ITPR2: variants seen among roughly 807,000 people sequenced by gnomAD.
ITPR2 encodes the protein inositol 1,4,5-trisphosphate receptor type 2.
ITPR2 carries 207 observed loss-of-function variants against 317.1 expected under a neutral mutation model. That is an observed-to-expected ratio of 0.65 (90% CI 0.58 to 0.73). ITPR2 has a LOEUF of 0.73. ITPR2 is among the 30% of genes least tolerant of loss of function. The pLI is 0.00. For missense variants in ITPR2, 2,613 were observed against 3,284.0 expected (o/e 0.80, Z 4.99); for synonymous variants, 1,156 against 1,149.1 (o/e 1.01, Z -0.12).
At chr12:26,458,643 G>T (rs1436791818) in intron 45 of ITPR2, among the ~76,000 whole-genome samples, 1 of 152,170 alleles carries the variant, frequency 6.6e-6, no homozygotes, top group Non-Finnish European at 1.5e-5. Context: ...AATAAAATGA[G>T]GGGTGACGGA....
intron 34 of ITPR2, among the ~76,000 whole-genome samples, chr12:26,578,019 T>C (rs1945315699): frequency 6.6e-6 from 1 of 152,148 alleles, no homozygotes; most frequent in Admixed American, 6.6e-5. Context: ...GATAATGAAA[T>C]ACGCTACAAA....
At chr12:26,397,758 T>G (rs955608305) in intron 54 of ITPR2, among the ~76,000 whole-genome samples, 1 of 152,228 alleles carries the variant, frequency 6.6e-6, no homozygotes, top group Non-Finnish European at 1.5e-5. Context: ...GGACCCAATT[T>G]GTTACATACA....
At chr12:26,457,083 G>T (rs1591801193) in intron 45 of ITPR2, among the ~76,000 whole-genome samples, 3 of 152,166 alleles carry the variant, frequency 2.0e-5, no homozygotes, top group Non-Finnish European at 2.9e-5. Context: ...CCCTCCTAGA[G>T]CTGACTTTCT....
At chr12:26,576,104 C>A (rs1945269107) in intron 34 of ITPR2, among the ~76,000 whole-genome samples, 1 of 152,166 alleles carries the variant, frequency 6.6e-6, no homozygotes, top group Admixed American at 6.5e-5. Flanking sequence ...AAAATTAACA[C>A]CATCATATTT....
intron 2 of ITPR2, among the ~76,000 whole-genome samples, chr12:26,775,745 G>C (rs974788132): frequency 6.6e-6 from 1 of 151,720 alleles, no homozygotes; most frequent in African/African-American, 2.4e-5. Flanking sequence ...ACTTGAAAAG[G>C]CTACACTGGA....
In ITPR2 at chr12:26,695,636, A is replaced by G. The variant is rs1459273085; in HGVS notation, c.966T>C (p.Tyr322=). The G allele has an allele frequency of 6.2e-6, 10 of 1,612,816 alleles. No individual in the cohort carries two copies. The highest frequency in any genetic ancestry group is 7.6e-6 in the Non-Finnish European group (9 of 1,179,012). Residue 322 remains tyrosine, a synonymous_variant, in exon 10 of 57, where the codon TAT becomes TAC. Transcript: ENST00000381340. ...NYLAAELNPD[Y]RDAQNEGKNV... is the part of the protein sequence containing the mutation. ...TTTTTCCTTCATTTTGGGCATCTCG[A>G]TAATCAGGATTAAGCTAGAAAAACA...
In ITPR2 at chr12:26,716,031, T is replaced by C. The variant is rs980456208; in HGVS notation, c.624+113A>G. ...CTATATGTACCTTAGGGATATTAATTAGAATAACTGGGATTATGCTCATGA... is the reference window on the plus strand; with the variant it reads ...CTATATGTACCTTAGGGATATTAATCAGAATAACTGGGATTATGCTCATGA... On this transcript the variant is annotated intron_variant, in intron 6 of 56. Transcript: ENST00000381340. The C allele has an allele frequency of 2.2e-5, 17 of 763,254 alleles. No individual in the cohort carries two copies. In the Admixed American group the frequency reaches 4.1e-4, roughly 19 times the overall value. 47.3% of individuals were successfully genotyped at this position (763,254 alleles called of 1,614,324 possible).
chr12:26,474,921 A>T (rs1942382888), intron 45 of ITPR2, among the ~76,000 whole-genome samples: 1 of 152,110 alleles, frequency 6.6e-6, no homozygotes, highest in African/African-American at 2.4e-5. Context: ...CTACCTGCCG[A>T]ATTTGTCCTG....
chr12:26,665,907 C>A lies in ITPR2; in HGVS notation c.1551+3G>T. On this transcript the variant is annotated splice_donor_region_variant and intron_variant, in intron 14 of 56. Coordinates refer to ENST00000381340, the MANE Select transcript of ITPR2 (RefSeq NM_002223.4). ...TACAAATTTAGTACATGAAAAAATT[C>A]ACCTGTGCCAGTATGTTTTGTTCCC... is the stretch of plus-strand genomic sequence containing the variant. 1 of 1,602,996 alleles carries A rather than the reference C, an allele frequency of 6.2e-7. No individual in the cohort carries two copies. Among genetic ancestry groups the A allele is most frequent in the Non-Finnish European group, 8.5e-7 (1 of 1,177,134 alleles).
chr12:26,412,806 C>T (rs7309318), intron 51 of ITPR2, among the ~76,000 whole-genome samples: 103,085 of 151,968 alleles, frequency 0.68, 35,081 homozygotes, highest in South Asian at 0.81. Flanking sequence ...GGCGCAGAGG[C>T]CAATGAAGGC....
At chr12:26,639,738 G>C (rs1457193420) in intron 21 of ITPR2, among the ~76,000 whole-genome samples, 1 of 150,814 alleles carries the variant, frequency 6.6e-6, no homozygotes, top group Non-Finnish European at 1.5e-5. Context: ...TTTTGTCCTT[G>C]TGATAGTTTG....
intron 42 of ITPR2, 77 bp from the exon 43 acceptor site, chr12:26,481,318 C>T: frequency 7.5e-6 from 6 of 799,648 alleles, no homozygotes; most frequent in Non-Finnish European, 1.2e-5. Flanking sequence ...TATAAAACAA[C>T]ATAATCACCT....
chr12:26,721,145 C>T, intron 5 of ITPR2: 1 of 406,084 alleles, frequency 2.5e-6, no homozygotes. Flanking sequence ...TTTAATGAAA[C>T]TAAAATGTGT....
At chr12:26,748,986 G>T (rs1949372549) in intron 2 of ITPR2, among the ~76,000 whole-genome samples, 1 of 152,150 alleles carries the variant, frequency 6.6e-6, no homozygotes, top group African/African-American at 2.4e-5. Context: ...AAAACCTGGG[G>T]AAATCATACC....
intron 2 of ITPR2, among the ~76,000 whole-genome samples, chr12:26,778,882 T>A (rs965888281): frequency 6.6e-6 from 1 of 152,162 alleles, no homozygotes; most frequent in Non-Finnish European, 1.5e-5. Context: ...ATACTCCTTC[T>A]AATGTGAAGG....
intron 55 of ITPR2, among the ~76,000 whole-genome samples, chr12:26,343,148 T>A (rs1938191903): frequency 6.6e-6 from 1 of 152,166 alleles, no homozygotes; most frequent in Non-Finnish European, 1.5e-5. Flanking sequence ...CTTTCTTTTC[T>A]TTATAAATTA....
At chr12:26,587,413 G>T (rs11614131) in intron 32 of ITPR2, among the ~76,000 whole-genome samples, 49,804 of 151,928 alleles carry the variant, frequency 0.33, 8,670 homozygotes, top group Non-Finnish European at 0.39. Flanking sequence ...CCTCTCTGAA[G>T]GAGTGACTTT....
intron 48 of ITPR2, 33 bp downstream of exon 48, chr12:26,436,188 A>G: frequency 6.7e-7 from 1 of 1,501,066 alleles, no homozygotes; most frequent in Non-Finnish European, 8.9e-7. Flanking sequence ...GAACTTTAAA[A>G]TATTTATATT....
chr12:26,826,313 A>G, intron 1 of ITPR2, among the ~76,000 whole-genome samples: 1 of 152,230 alleles, frequency 6.6e-6, no homozygotes, highest in Non-Finnish European at 1.5e-5. Context: ...AATCAAATCT[A>G]CAACTATTTA....
Sources: allele counts gnomAD v4.1 joint callset (sites outside exome capture counted in the v4.1 genomes callset), GRCh38; gene constraint gnomAD v4.1.1; transcripts MANE v1.5; gene names NCBI Gene and HGNC (gene_info 2026-07-23, HGNC 2026-07-21).